Variants in TENT5A observed in about 807,000 individuals in gnomAD.
The protein encoded by TENT5A is terminal nucleotidyltransferase 5A.
A neutral mutation model predicts 30.2 loss-of-function variants in TENT5A; 9 were observed. The observed-to-expected ratio is 0.30, with a 90% CI of 0.18 to 0.52. TENT5A has a LOEUF of 0.52. Ranked by LOEUF, TENT5A falls within the 20% of genes least tolerant of loss-of-function variation. The pLI, the probability that TENT5A is intolerant of heterozygous loss-of-function variation, is 0.97. For synonymous variants in TENT5A, 264 were observed against 234.2 expected, an observed-to-expected ratio of 1.13 and a Z score of -1.16; for missense variants, 411 against 566.1, an observed-to-expected ratio of 0.73 and a Z score of 2.78.
Position 81,752,586 on chromosome 6 carries a change from C to G in TENT5A, c.-193G>C. On this transcript the variant is annotated 5_prime_UTR_variant, in exon 1 of 3. Transcript: ENST00000320172. ...GCGCTCACCACTCCCTCCCCGCGAC[C>G]CCTCCTGCGCCGCTGCCACCCCAGC... 1.2e-6 allele frequency: 1 copy of G among 809,598 alleles called. No homozygotes were observed. The highest frequency in any genetic ancestry group is 2.1e-6 in the Non-Finnish European group (1 of 469,892). 50.2% of individuals were successfully genotyped at this position (809,598 alleles called of 1,614,324 possible). A position where few individuals can be genotyped will look rare whatever the true frequency, so the allele number is the denominator to read the frequency against.
chr6:81,749,681 T>C lies in TENT5A; in HGVS notation c.*14A>G, dbSNP rs747825481. ...TCTGAAATGGCTTCCCCACAGGACA[T>C]TTTTAAATGATTCTTAATTGCAGGG... is the stretch of plus-strand genomic sequence containing the variant. On this transcript the variant is annotated 3_prime_UTR_variant, in exon 3 of 3. Coordinates refer to ENST00000320172, the MANE Select transcript of TENT5A (RefSeq NM_017633.3). 18 of 1,604,424 alleles carry C rather than the reference T, an allele frequency of 1.1e-5. No individual in the cohort carries two copies. In the Middle Eastern group the frequency reaches 5.0e-4, roughly 44 times the overall value.
chr6:81,750,572 C>T lies in TENT5A; in HGVS notation c.553-101G>A. Reference sequence around the variant, plus strand: ...AGCTGAGAATTATTTTGCTCTTTCCCTTTTGTTTTGTCAAGTTTCAGCCAA... The same window carrying T: ...AGCTGAGAATTATTTTGCTCTTTCCTTTTTGTTTTGTCAAGTTTCAGCCAA... On this transcript the variant is annotated intron_variant, in intron 2 of 2. Coordinates refer to ENST00000320172, the MANE Select transcript of TENT5A (RefSeq NM_017633.3). This position sits in a 1 kb window ranked among gnomAD's most constrained non-coding sequence, Gnocchi z 4.2. 2.5e-6 allele frequency: 2 copies of T among 795,464 alleles called. No individual in the cohort carries two copies. Among genetic ancestry groups the T allele is most frequent in the Non-Finnish European group, 3.8e-6 (2 of 532,074 alleles). The allele number at this position is 795,464 out of a possible 1,614,324, so 49.3% of individuals were successfully genotyped here.
Position 81,752,479 on chromosome 6 carries a change from G to C in TENT5A, c.-86C>G, listed in dbSNP as rs1769069936. 5 of 1,541,160 alleles carry C rather than the reference G, an allele frequency of 3.2e-6. No homozygotes were observed. Among genetic ancestry groups the C allele is most frequent in the Middle Eastern group, 1.7e-4 (1 of 5,966 alleles). On this transcript the variant is annotated 5_prime_UTR_variant, in exon 1 of 3. Transcript: ENST00000320172. ...GAGCGCAGCGAGCGAGAGCGAAACC[G>C]AGAGGCGGCAACACTTCCAGGAGCT...
Position 81,747,666 on chromosome 6 carries a change from T to C in TENT5A, c.*2029A>G, listed in dbSNP as rs2127725937. 3.0e-6 allele frequency: 3 copies of C among 985,638 alleles called. No individual in the cohort carries two copies. Among genetic ancestry groups the C allele is most frequent in the South Asian group, 4.7e-5 (1 of 21,286 alleles). The allele number at this position is 985,638 out of a possible 1,614,324, so 61.1% of individuals were successfully genotyped here. A position where few individuals can be genotyped will look rare whatever the true frequency, so the allele number is the denominator to read the frequency against. The stretch of plus-strand genomic sequence containing the variant: ...TTAACTGATGATGAAAATCTTCTAA[T>C]TGGGTCTTCGAGGAATTATCATAGC... On this transcript the variant is annotated 3_prime_UTR_variant, in exon 3 of 3. Coordinates refer to ENST00000320172, the MANE Select transcript of TENT5A (RefSeq NM_017633.3).
Position 81,746,630 on chromosome 6 carries a change from C to T in TENT5A, c.*3065G>A. The T allele has an allele frequency of 1.6e-6, 2 of 1,231,900 alleles. No homozygotes were observed. The highest frequency in any genetic ancestry group is 8.2e-5 in the South Asian group (2 of 24,316). The allele number at this position is 1,231,900 out of a possible 1,614,324, so 76.3% of individuals were successfully genotyped here. A position where few individuals can be genotyped will look rare whatever the true frequency, so the allele number is the denominator to read the frequency against. ...TTGTCACAGGCTATGTGTTCTCTGA[C>T]ATGCCAGGCTGGACAGGTGAGAAGA... is the stretch of plus-strand genomic sequence containing the variant. On this transcript the variant is annotated 3_prime_UTR_variant, in exon 3 of 3. Coordinates refer to ENST00000320172, the MANE Select transcript of TENT5A (RefSeq NM_017633.3).
chr6:81,748,972 C>G lies in TENT5A; in HGVS notation c.*723G>C, dbSNP rs1231187671. 1.0e-6 allele frequency: 1 copy of G among 985,616 alleles called. No individual in the cohort carries two copies. Among genetic ancestry groups the G allele is most frequent in the Non-Finnish European group, 1.2e-6 (1 of 829,908 alleles). 61.1% of individuals were successfully genotyped at this position (985,616 alleles called of 1,614,324 possible). A position where few individuals can be genotyped will look rare whatever the true frequency, so the allele number is the denominator to read the frequency against. On this transcript the variant is annotated 3_prime_UTR_variant, in exon 3 of 3. Coordinates refer to ENST00000320172, the MANE Select transcript of TENT5A (RefSeq NM_017633.3). ...TATTTTTATCTGTTAAATCTTTGGT[C>G]CTTGAGCACACTTTCTTTGTTACAG...
At position 81,749,576 on chromosome 6, in the gene TENT5A, A is replaced by T; in HGVS notation, c.*119T>A. 6.9e-7 allele frequency: 1 copy of T among 1,440,496 alleles called. No homozygotes were observed. The highest frequency in any genetic ancestry group is 9.1e-7 in the Non-Finnish European group (1 of 1,099,728). The allele number at this position is 1,440,496 out of a possible 1,614,324, so 89.2% of individuals were successfully genotyped here. On this transcript the variant is annotated 3_prime_UTR_variant, in exon 3 of 3. Transcript: ENST00000320172. ...CCAAACTTAAAACCAGGAGCATATC[A>T]TCATTGCACAAAACACATCCCTAAT...
chr6:81,750,026 T>A lies in TENT5A; in HGVS notation c.998A>T (p.Gln333Leu). 1 of 1,614,230 alleles carries A rather than the reference T, an allele frequency of 6.2e-7. No homozygotes were observed. The highest frequency in any genetic ancestry group is 8.5e-7 in the Non-Finnish European group (1 of 1,180,038). Residue 333 changes from glutamine to leucine, a missense_variant, in exon 3 of 3, where the codon CAG becomes CTG. Gln to Leu is a moderately radical substitution (Grantham distance 113, BLOSUM62 -2). Coordinates refer to ENST00000320172, the MANE Select transcript of TENT5A (RefSeq NM_017633.3). The surrounding 1 kb of genome is among the most constrained non-coding windows in gnomAD (Gnocchi z 4.2). ...CTGCAAATAGGACTCCAGTTTTCTCTGCTGCTCTCCAATGTCTGAGAAGTC... is the reference window on the plus strand; with the variant it reads ...CTGCAAATAGGACTCCAGTTTTCTCAGCTGCTCTCCAATGTCTGAGAAGTC... Reference protein sequence around the residue: ...FIDFSDIGEQQRKLESYLQNH... With the variant: ...FIDFSDIGEQLRKLESYLQNH...
In TENT5A at chr6:81,749,804, G is replaced by A; in HGVS notation, c.1220C>T (p.Pro407Leu). The A allele has an allele frequency of 6.2e-7, 1 of 1,614,012 alleles. No individual in the cohort carries two copies. The highest frequency in any genetic ancestry group is 8.5e-7 in the Non-Finnish European group (1 of 1,180,010). Residue 407 changes from proline to leucine, a missense_variant, in exon 3 of 3, where the codon CCA becomes CTA. Physicochemically the swap from Pro to Leu is moderately conservative, Grantham distance 98. Coordinates refer to ENST00000320172, the MANE Select transcript of TENT5A (RefSeq NM_017633.3). ...GTTGGCATCTGCTACATAGGGGGCTGGCTGGTAATAGCAAGTGACATTAGC... is the reference window on the plus strand; with the variant it reads ...GTTGGCATCTGCTACATAGGGGGCTAGCTGGTAATAGCAAGTGACATTAGC... ...NVANVTCYYQ[P>L]APYVADANFS...
Position 81,747,712 on chromosome 6 carries a change from T to G in TENT5A, c.*1983A>C. On this transcript the variant is annotated 3_prime_UTR_variant, in exon 3 of 3. Coordinates refer to ENST00000320172, the MANE Select transcript of TENT5A (RefSeq NM_017633.3). ...ATAGCAAGCAGTCATCCACTAAGGT[T>G]GTGGAGATTATGTGGTTGTTTCACA... The G allele has an allele frequency of 1.0e-6, 1 of 985,558 alleles. No individual in the cohort carries two copies. The highest frequency in any genetic ancestry group is 1.2e-6 in the Non-Finnish European group (1 of 829,650). 61.1% of individuals were successfully genotyped at this position (985,558 alleles called of 1,614,324 possible).
rs989191545 is a variant in TENT5A at position 81,747,334 on chromosome 6, G to A, written c.*2361C>T. The A allele has an allele frequency of 1.0e-6, 1 of 985,850 alleles. No homozygotes were observed. The highest frequency in any genetic ancestry group is 1.2e-6 in the Non-Finnish European group (1 of 829,910). The allele number at this position is 985,850 out of a possible 1,614,324, so 61.1% of individuals were successfully genotyped here. A position where few individuals can be genotyped will look rare whatever the true frequency, so the allele number is the denominator to read the frequency against. On this transcript the variant is annotated 3_prime_UTR_variant, in exon 3 of 3. Transcript: ENST00000320172. ...CAAACTGAACAATGTTTCCTGGGAAGTTGCAATTAATTTTTCAAACCCAGG... is the reference window on the plus strand; with the variant it reads ...CAAACTGAACAATGTTTCCTGGGAAATTGCAATTAATTTTTCAAACCCAGG...
chr6:81,752,504 T>TGCGA lies in TENT5A; in HGVS notation c.-115_-112dup. ...GAGAGGCGGCAACACTTCCAGGAGC[T>TGCGA]GCGAGCGCGCTCAGACAGCAAATAG... On this transcript the variant is annotated 5_prime_UTR_variant, in exon 1 of 3. Coordinates refer to ENST00000320172, the MANE Select transcript of TENT5A (RefSeq NM_017633.3). 6.7e-7 allele frequency: 1 copy of TGCGA among 1,482,586 alleles called. No individual in the cohort carries two copies. The highest frequency in any genetic ancestry group is 9.2e-7 in the Non-Finnish European group (1 of 1,085,518). 91.8% of individuals were successfully genotyped at this position (1,482,586 alleles called of 1,614,324 possible).
rs777502697 is a variant in TENT5A, at chr6:81,751,830, C to A, written c.312G>T (p.Val104=). The A allele has an allele frequency of 1.4e-5, 22 of 1,612,842 alleles. No individual in the cohort carries two copies. Among genetic ancestry groups the A allele is most frequent in the Admixed American group, 1.2e-4 (7 of 59,996 alleles). The part of the protein sequence containing the change: ...ELQPSLIVKV[V]RRRLAEKRIG... The stretch of plus-strand genomic sequence containing the variant: ...TGCGCTTCTCGGCCAGGCGCCGCCG[C>A]ACCACCTTCACGATCAGGCTCGGCT... Residue 104 remains valine, a synonymous_variant, in exon 2 of 3, where the codon GTG becomes GTT. Coordinates refer to ENST00000320172, the MANE Select transcript of TENT5A (RefSeq NM_017633.3).
chr6:81,752,237 C>A, intron 1 of TENT5A, 59 bp from the exon 2 acceptor site: 1 of 1,355,498 alleles, frequency 7.4e-7, no homozygotes. Context: ...GCACGCGCGG[C>A]GGCGGAGAGC....
At position 81,750,685 on chromosome 6, in the gene TENT5A, G is replaced by T. The variant is rs1213469757; in HGVS notation, c.553-214C>A. 6.6e-6 allele frequency among the ~76,000 whole-genome samples: 1 copy of T among 152,236 alleles called. No homozygotes were observed. The highest frequency in any genetic ancestry group is 2.4e-5 in the African/African-American group (1 of 41,476). On this transcript the variant is annotated intron_variant, in intron 2 of 2. Coordinates refer to ENST00000320172, the MANE Select transcript of TENT5A (RefSeq NM_017633.3). This position sits in a 1 kb window ranked among gnomAD's most constrained non-coding sequence, Gnocchi z 4.2. ...TTTACTGTCTGGGAAAGGGACTAGA[G>T]GTAATAGTTTGAGGCTTTTGGCAGA...
rs1335202846 is a variant in TENT5A, at chr6:81,747,590, A to C, written c.*2105T>G. ...CTGAGGATCCCTAGATAAACAAACA[A>C]ACAAATTATACTGCCAACAGGAGGA... On this transcript the variant is annotated 3_prime_UTR_variant, in exon 3 of 3. Transcript: ENST00000320172. 17 of 985,520 alleles carry C rather than the reference A, an allele frequency of 1.7e-5. No homozygotes were observed. Among genetic ancestry groups the C allele is most frequent in the African/African-American group, 1.7e-5 (1 of 57,236 alleles). The allele number at this position is 985,520 out of a possible 1,614,324, so 61.0% of individuals were successfully genotyped here.
Position 81,748,293 on chromosome 6 carries a change from G to A in TENT5A, c.*1402C>T, listed in dbSNP as rs1170645992. On this transcript the variant is annotated 3_prime_UTR_variant, in exon 3 of 3. Transcript: ENST00000320172. ...GAATGCAATTTTTTTTTTAATAAAT[G>A]GGTTCCAACTGTCAAAATGGCAGTT... 3.1e-6 allele frequency: 3 copies of A among 982,066 alleles called. No homozygotes were observed. The highest frequency in any genetic ancestry group is 3.6e-6 in the Non-Finnish European group (3 of 828,666). 60.8% of individuals were successfully genotyped at this position (982,066 alleles called of 1,614,324 possible).
rs1457767516 is a variant in TENT5A at position 81,747,985 on chromosome 6, A to G, written c.*1710T>C. ...AGTACAGTACTAAATATTTAAATGCAGTGTGACAACCAGATCAAAGATGTT... is the reference window on the plus strand; with the variant it reads ...AGTACAGTACTAAATATTTAAATGCGGTGTGACAACCAGATCAAAGATGTT... On this transcript the variant is annotated 3_prime_UTR_variant, in exon 3 of 3. Coordinates refer to ENST00000320172, the MANE Select transcript of TENT5A (RefSeq NM_017633.3). The G allele has an allele frequency of 5.1e-6, 5 of 983,752 alleles. No homozygotes were observed. The highest frequency in any genetic ancestry group is 1.1e-4 in the East Asian group (1 of 8,828). The allele number at this position is 983,752 out of a possible 1,614,324, so 60.9% of individuals were successfully genotyped here. A position where few individuals can be genotyped will look rare whatever the true frequency, so the allele number is the denominator to read the frequency against.
At position 81,750,300 on chromosome 6, in the gene TENT5A, G is replaced by T. The variant is rs200803321; in HGVS notation, c.724C>A (p.Leu242Ile). The change falls in exon 3 of 3, where the codon CTC (leucine) becomes ATC (isoleucine). Residue 242 changes from leucine to isoleucine, a missense_variant. Transcript: ENST00000320172. This position sits in a 1 kb window ranked among gnomAD's most constrained non-coding sequence, Gnocchi z 4.2. Reference protein sequence around the residue: ...SFQIKLDSLLLFYECSENPMT... With the variant: ...SFQIKLDSLLIFYECSENPMT... The stretch of plus-strand genomic sequence containing the variant: ...GGGTTCTCTGAACATTCATAAAAGA[G>T]CAGAAGAGAGTCTAATTTGATTTGA... The T allele has an allele frequency of 1.2e-6, 2 of 1,613,636 alleles. No homozygotes were observed. The highest frequency in any genetic ancestry group is 1.7e-6 in the Non-Finnish European group (2 of 1,179,862).
Sources: allele counts gnomAD v4.1 joint callset (sites outside exome capture counted in the v4.1 genomes callset), GRCh38; gene constraint gnomAD v4.1.1; non-coding constraint Gnocchi (gnomAD v3.1); transcripts MANE v1.5; gene names NCBI Gene and HGNC (gene_info 2026-07-23, HGNC 2026-07-21).